NCOA3: variants seen among roughly 807,000 people sequenced by gnomAD.
The protein encoded by NCOA3 is nuclear receptor coactivator 3, also known as CBP-interacting protein.
NCOA3 carries 51 observed loss-of-function variants against 158.8 expected under a neutral mutation model. That is an observed-to-expected ratio of 0.32 (90% CI 0.26 to 0.41). The LOEUF (loss-of-function observed/expected upper bound fraction) is 0.41, where lower values mean the gene tolerates loss of function less well. NCOA3 is among the 10% of genes least tolerant of loss of function. The pLI is 1.00. For synonymous variants in NCOA3, 537 were observed against 592.4 expected (o/e 0.91, Z 1.36); for missense variants, 1,510 against 1,746.6 (o/e 0.86, Z 2.41).
intron 1 of NCOA3, among the ~76,000 whole-genome samples, chr20:47,507,707 C>T (rs1247119575): frequency 4.6e-5 from 7 of 152,168 alleles, no homozygotes; most frequent in African/African-American, 1.7e-4. Context: ...TAACCTTTGC[C>T]TCCCAGGTTC....
chr20:47,566,842 G>A (rs2085202514), intron 1 of NCOA3, among the ~76,000 whole-genome samples: 1 of 152,030 alleles, frequency 6.6e-6, no homozygotes, highest in African/African-American at 2.4e-5. Flanking sequence ...AGCATAGCTG[G>A]GTAGAGTGGC....
intron 1 of NCOA3, among the ~76,000 whole-genome samples, chr20:47,535,743 T>G (rs947721126): frequency 6.6e-6 from 1 of 152,088 alleles, no homozygotes; most frequent in African/African-American, 2.4e-5. Context: ...CCTGACCTTG[T>G]GATCCGCCCA....
intron 1 of NCOA3, among the ~76,000 whole-genome samples, chr20:47,534,194 A>G (rs1232233349): frequency 6.7e-6 from 1 of 148,584 alleles, no homozygotes; most frequent in African/African-American, 2.5e-5. Flanking sequence ...GTTTGGCTTC[A>G]TTTTCTTGTC....
intron 2 of NCOA3, among the ~76,000 whole-genome samples, chr20:47,592,565 T>TAACA (rs1258493090): frequency 6.6e-6 from 1 of 152,234 alleles, no homozygotes; most frequent in African/African-American, 2.4e-5. Flanking sequence ...TCAGAAAAGG[T>TAACA]AACAGGTTTA....
intron 2 of NCOA3, among the ~76,000 whole-genome samples, chr20:47,600,630 T>G (rs964273470): frequency 1.3e-5 from 2 of 151,374 alleles, no homozygotes; most frequent in Non-Finnish European, 2.9e-5. Flanking sequence ...TCCTGCCACC[T>G]AAGCCACCCA....
chr20:47,648,019 A>G (rs1321848284), intron 18 of NCOA3, among the ~76,000 whole-genome samples: 1 of 149,270 alleles, frequency 6.7e-6, no homozygotes, highest in East Asian at 2.0e-4. Context: ...GGTTCAGGTG[A>G]TTCTCATGCC....
At position 47,524,559 on chromosome 20, in the gene NCOA3, C is replaced by T. The variant is rs562989549; in HGVS notation, c.-99+22540C>T. ...GTTTAGATAAAATGACTTGGGCACA[C>T]GTGGAGTGGTTTTAAGGAGCAGAAG... On this transcript the variant is annotated intron_variant, in intron 1 of 22. Transcript: ENST00000371998. Among the ~76,000 whole-genome samples, 16 of 152,126 alleles carry T rather than the reference C, an allele frequency of 1.1e-4. No individual in the cohort carries two copies. In the South Asian group the frequency reaches 2.9e-3, roughly 28 times the overall value.
chr20:47,567,166 G>A (rs1180824893), intron 1 of NCOA3, among the ~76,000 whole-genome samples: 2 of 151,664 alleles, frequency 1.3e-5, no homozygotes, highest in Admixed American at 1.3e-4. Context: ...TCCTGCCTCA[G>A]CCTCCCGAGT....
chr20:47,635,843 C>T (rs1292654028), intron 11 of NCOA3, 48 bp from the exon 12 acceptor site: 1 of 1,530,098 alleles, frequency 6.5e-7, no homozygotes, highest in African/African-American at 1.4e-5. Flanking sequence ...TATTTTGTTA[C>T]AGTGTCTGGT....
intron 1 of NCOA3, among the ~76,000 whole-genome samples, chr20:47,573,137 A>G (rs2085319838): frequency 1.3e-5 from 2 of 152,170 alleles, no homozygotes. Context: ...GGTGGTTCAC[A>G]CCTGTAATCC....
rs200928001 is a variant in NCOA3 at position 47,625,469 on chromosome 20, G to A, written c.345G>A (p.Pro115=). ...QGVIDKDSLG[P]LLLQALDGFL... is the part of the protein sequence containing the mutation. Reference sequence around the variant, plus strand: ...TTATTGATAAAGACTCCTTAGGACCGCTTTTACTTCAGGCAAGTATAAAGA... The same window carrying A: ...TTATTGATAAAGACTCCTTAGGACCACTTTTACTTCAGGCAAGTATAAAGA... Residue 115 remains proline, a synonymous_variant, in exon 5 of 23, where the codon CCG becomes CCA. Transcript: ENST00000371998. 1.5e-4 allele frequency: 235 copies of A among 1,608,172 alleles called. No individual in the cohort carries two copies. Among genetic ancestry groups the A allele is most frequent in the South Asian group, 1.9e-4 (17 of 90,958 alleles).
chr20:47,564,236 C>T (rs921357880), intron 1 of NCOA3, among the ~76,000 whole-genome samples: 2 of 151,904 alleles, frequency 1.3e-5, no homozygotes, highest in Admixed American at 1.3e-4. Context: ...ATTGTTCTCA[C>T]ACATTAAAAC....
chr20:47,556,992 C>CT (rs2085017805), intron 1 of NCOA3, among the ~76,000 whole-genome samples: 1 of 152,140 alleles, frequency 6.6e-6, no homozygotes, highest in African/African-American at 2.4e-5. Context: ...ATATAGAGAT[C>CT]TTTTTCATTT....
chr20:47,632,914 C>G (rs554638413), intron 8 of NCOA3, among the ~76,000 whole-genome samples: 1 of 152,178 alleles, frequency 6.6e-6, no homozygotes, highest in African/African-American at 2.4e-5. Flanking sequence ...ATATCTTGAC[C>G]TCGTGATCTG....
At chr20:47,564,040 G>T (rs1207549129) in intron 1 of NCOA3, among the ~76,000 whole-genome samples, 1 of 151,984 alleles carries the variant, frequency 6.6e-6, no homozygotes, top group African/African-American at 2.4e-5. Flanking sequence ...TGCGCATGTG[G>T]TCCTAGCTAC....
At chr20:47,628,661 C>G (rs552096379) in intron 8 of NCOA3, 1 of 152,144 alleles carries the variant, frequency 6.6e-6, no homozygotes, top group Non-Finnish European at 1.5e-5. Context: ...AGTCGCCTGC[C>G]TCAGCCTCCC....
chr20:47,544,727 C>G (rs533366227), intron 1 of NCOA3, among the ~76,000 whole-genome samples: 1 of 152,114 alleles, frequency 6.6e-6, no homozygotes, highest in South Asian at 2.1e-4. Flanking sequence ...CAGTTTTTAT[C>G]TCTTCATACT....
intron 1 of NCOA3, among the ~76,000 whole-genome samples, chr20:47,545,174 A>ATT (rs3083968): frequency 3.6e-5 from 3 of 84,320 alleles, no homozygotes; most frequent in African/African-American, 4.9e-5. Flanking sequence ...TATCCATAGG[A>ATT]TTTTTTTTTT....
chr20:47,577,775 A>T (rs2085394208), intron 1 of NCOA3, among the ~76,000 whole-genome samples: 1 of 152,220 alleles, frequency 6.6e-6, no homozygotes, highest in Non-Finnish European at 1.5e-5. Flanking sequence ...GGACTTTACA[A>T]AATCTAGGTT....
Sources: gnomAD v4.1 joint callset for allele counts (sites outside exome capture counted in the v4.1 genomes callset) on GRCh38, gnomAD v4.1.1 for gene constraint, MANE v1.5 for transcripts, NCBI Gene and HGNC (gene_info 2026-07-23, HGNC 2026-07-21) for gene names.